Variants in KCNJ15 observed in about 807,000 individuals in gnomAD.
The protein encoded by KCNJ15 is ATP-sensitive inward rectifier potassium channel 15.
A neutral mutation model predicts 23.0 loss-of-function variants in KCNJ15; 14 were observed. That is an observed-to-expected ratio of 0.61 (90% CI 0.40 to 0.95). The LOEUF is 0.95. KCNJ15 is among the 40% of genes least tolerant of loss of function. The probability of loss-of-function intolerance (pLI) is 0.00; values close to 1 mark genes in which losing one functional copy is unlikely to be tolerated. For synonymous variants in KCNJ15, 185 were observed against 183.2 expected (o/e 1.01, Z -0.08); for missense variants, 388 against 461.8 (o/e 0.84, Z 1.46).
At chr21:38,244,156 A>G (rs1979203855) in intron 1 of KCNJ15, among the ~76,000 whole-genome samples, 1 of 152,144 alleles carries the variant, frequency 6.6e-6, no homozygotes, top group African/African-American at 2.4e-5. Flanking sequence ...TGTTTATACA[A>G]ACTGAACCTG....
chr21:38,230,075 A>G (rs1165586242), intron 1 of KCNJ15, among the ~76,000 whole-genome samples: 4 of 152,286 alleles, frequency 2.6e-5, no homozygotes, highest in African/African-American at 2.4e-5. Flanking sequence ...TGATTGGATC[A>G]TATAATAACT....
intron 1 of KCNJ15, among the ~76,000 whole-genome samples, chr21:38,294,613 A>G (rs2146344149): frequency 6.6e-6 from 1 of 152,336 alleles, no homozygotes; most frequent in African/African-American, 2.4e-5. Context: ...TTTTAAAGAC[A>G]TCAATGTCTT....
At position 38,291,025 on chromosome 21, in the gene KCNJ15, C is replaced by CACACACACACACAT. The variant is rs1555885288; in HGVS notation, c.-116-5901_-116-5900insACACACACACACAT. Among the ~76,000 whole-genome samples the CACACACACACACAT allele has an allele frequency of 8.1e-3, 1,226 of 151,042 alleles. 14 individuals carry two copies. The highest frequency in any genetic ancestry group is 0.021 in the African/African-American group (842 of 41,010). ...ACACACACACACACACACACACACA[C>CACACACACACACAT]GTATATATAGCTACAGTTAAGCAGG... On this transcript the variant is annotated intron_variant, in intron 1 of 2. Coordinates refer to ENST00000398938, the MANE Select transcript of KCNJ15 (RefSeq NM_170736.3).
intron 1 of KCNJ15, among the ~76,000 whole-genome samples, chr21:38,268,614 G>C (rs537171794): frequency 3.4e-5 from 5 of 146,790 alleles, no homozygotes; most frequent in African/African-American, 1.3e-4. Flanking sequence ...CCCCTGACAG[G>C]TAATGGTGGA....
chr21:38,299,175 T>C lies in KCNJ15; in HGVS notation c.-18-69T>C. Reference sequence around the variant, plus strand: ...CATGTACATTCATACTTACTTCACATGATGATTCTATTTTCTGGAAGTTCC... The same window carrying C: ...CATGTACATTCATACTTACTTCACACGATGATTCTATTTTCTGGAAGTTCC... On this transcript the variant is annotated intron_variant, in intron 2 of 2. Transcript: ENST00000398938. The surrounding 1 kb of genome is among the most constrained non-coding windows in gnomAD (Gnocchi z 4.5). The C allele has an allele frequency of 8.4e-7, 1 of 1,192,616 alleles. No individual in the cohort carries two copies. Among genetic ancestry groups the C allele is most frequent in the Non-Finnish European group, 1.2e-6 (1 of 834,070 alleles). The allele number at this position is 1,192,616 out of a possible 1,614,324, so 73.9% of individuals were successfully genotyped here.
At chr21:38,294,336 T>C (rs183954089) in intron 1 of KCNJ15, among the ~76,000 whole-genome samples, 1 of 152,202 alleles carries the variant, frequency 6.6e-6, no homozygotes, top group Non-Finnish European at 1.5e-5. Context: ...AAGTTAATTT[T>C]AGTCTAGAAA....
intron 1 of KCNJ15, among the ~76,000 whole-genome samples, chr21:38,288,473 A>G (rs1984222872): frequency 6.6e-6 from 1 of 152,224 alleles, no homozygotes; most frequent in Non-Finnish European, 1.5e-5. Context: ...ATCAGAGCCC[A>G]TTAGTCATCA....
intron 2 of KCNJ15, among the ~76,000 whole-genome samples, chr21:38,298,762 T>C (rs1985430375): frequency 6.6e-6 from 1 of 152,204 alleles, no homozygotes; most frequent in South Asian, 2.1e-4. Flanking sequence ...AGTCAAATAA[T>C]TTTAAATTTT....
intron 1 of KCNJ15, among the ~76,000 whole-genome samples, chr21:38,286,612 G>A (rs1983941843): frequency 1.3e-5 from 2 of 152,338 alleles, no homozygotes; most frequent in South Asian, 4.1e-4. Flanking sequence ...TCAAGAGATT[G>A]TGTACGAGGG....
intron 1 of KCNJ15, among the ~76,000 whole-genome samples, chr21:38,287,464 CTG>C (rs1984035354): frequency 1.3e-5 from 2 of 152,176 alleles, no homozygotes; most frequent in Non-Finnish European, 2.9e-5. Context: ...TAAGGCCACT[CTG>C]TACTATGCAA....
intron 1 of KCNJ15, among the ~76,000 whole-genome samples, chr21:38,291,965 C>A (rs749240077): frequency 6.6e-6 from 1 of 152,148 alleles, no homozygotes; most frequent in African/African-American, 2.4e-5. Context: ...TAATATCAGG[C>A]CTGGCACAGG....
chr21:38,269,768 A>G (rs1286136049), intron 1 of KCNJ15, among the ~76,000 whole-genome samples: 1 of 152,184 alleles, frequency 6.6e-6, no homozygotes, highest in African/African-American at 2.4e-5. Flanking sequence ...GACAGAGAGC[A>G]AGTTTTGCAC....
Position 38,300,823 on chromosome 21 carries a change from G to T in KCNJ15, c.*434G>T. On this transcript the variant is annotated 3_prime_UTR_variant, in exon 3 of 3. Transcript: ENST00000398938. ...TGGTTCAGTATTCATTGATCTCACT[G>T]CTTTAAAACATGCTCTTTTTGTTCA... is the stretch of plus-strand genomic sequence containing the variant. The T allele has an allele frequency of 5.9e-6, 1 of 169,714 alleles. No homozygotes were observed. The allele number at this position is 169,714 out of a possible 1,614,324, so 10.5% of individuals were successfully genotyped here. A position where few individuals can be genotyped will look rare whatever the true frequency, so the allele number is the denominator to read the frequency against.
chr21:38,240,941 G>GAC (rs1431240350), intron 1 of KCNJ15, among the ~76,000 whole-genome samples: 1 of 152,144 alleles, frequency 6.6e-6, no homozygotes, highest in African/African-American at 2.4e-5. Flanking sequence ...TAATAAAAAT[G>GAC]ATACATGTGT....
chr21:38,304,663 T>TTTTTTTTTTTTTTTG lies in KCNJ15; in HGVS notation c.*4288_*4289insGTTTTTTTTTTTTTT, dbSNP rs1985984290. 1 of 12,112 alleles carries TTTTTTTTTTTTTTTG rather than the reference T, an allele frequency of 8.3e-5. No individual in the cohort carries two copies. Among genetic ancestry groups the TTTTTTTTTTTTTTTG allele is most frequent in the Non-Finnish European group, 1.2e-4 (1 of 8,064 alleles). The allele number at this position is 12,112 out of a possible 1,614,324, so 0.8% of individuals were successfully genotyped here. ...TACCCTTTGTAAACTTCAATTTATC[T>TTTTTTTTTTTTTTTG]TTTTTTTTTTTTTTTTTTTTTTTTT... On this transcript the variant is annotated 3_prime_UTR_variant, in exon 3 of 3. Transcript: ENST00000398938.
In KCNJ15 at chr21:38,299,541, G is replaced by A. The variant is rs147233830; in HGVS notation, c.280G>A (p.Asp94Asn). The change falls in exon 3 of 3, where the codon GAC (aspartate) becomes AAC (asparagine). Residue 94 changes from aspartate (D) to asparagine (N), a missense_variant. Physicochemically the swap from Asp to Asn is conservative, Grantham distance 23. Coordinates refer to ENST00000398938, the MANE Select transcript of KCNJ15 (RefSeq NM_170736.3). The surrounding 1 kb of genome is among the most constrained non-coding windows in gnomAD (Gnocchi z 4.5). Reference sequence around the variant, plus strand: ...CTATGCCATCGCGTTTATTCATGGGGACTTAGAACCCGGTGAGCCCATTTC... The same window carrying A: ...CTATGCCATCGCGTTTATTCATGGGAACTTAGAACCCGGTGAGCCCATTTC... Reference protein sequence around the residue: ...IYYAIAFIHGDLEPGEPISNH... With the variant: ...IYYAIAFIHGNLEPGEPISNH... 6.2e-6 allele frequency: 10 copies of A among 1,613,974 alleles called. No homozygotes were observed. In the African/African-American group the frequency reaches 1.3e-4, roughly 22 times the overall value.
chr21:38,268,947 G>A (rs868009848), intron 1 of KCNJ15: 5 of 152,192 alleles, frequency 3.3e-5, no homozygotes, highest in Non-Finnish European at 7.3e-5. Context: ...GGAAAGGTTC[G>A]ACTTGGTGGT....
intron 1 of KCNJ15, among the ~76,000 whole-genome samples, chr21:38,249,172 C>G (rs1011791578): frequency 3.3e-5 from 5 of 152,140 alleles, no homozygotes; most frequent in Admixed American, 1.3e-4. Flanking sequence ...GGTGTCCACA[C>G]TGTAAAATGA....
chr21:38,236,452 G>T (rs746513650), intron 1 of KCNJ15, among the ~76,000 whole-genome samples: 1 of 152,164 alleles, frequency 6.6e-6, no homozygotes, highest in Non-Finnish European at 1.5e-5. Flanking sequence ...TGCATATCTA[G>T]TACTTTGCTA....
Sources: gnomAD v4.1 joint callset for allele counts (sites outside exome capture counted in the v4.1 genomes callset) on GRCh38, gnomAD v4.1.1 for gene constraint, Gnocchi (gnomAD v3.1) non-coding constraint, MANE v1.5 for transcripts, NCBI Gene and HGNC (gene_info 2026-07-23, HGNC 2026-07-21) for gene names.